The following ZNF804B variants were observed in gnomAD, a reference collection of about 807,000 sequenced individuals.
ZNF804B encodes zinc finger 804B.
In ZNF804B, 80 loss-of-function variants were observed where a neutral mutation model predicts 101.4. That is an observed-to-expected ratio of 0.79 (90% CI 0.66 to 0.95). The LOEUF is 0.95. Among genes scored for constraint, ZNF804B ranks in the 40% least tolerant of loss-of-function variants. ZNF804B has a pLI of 0.00. For synonymous variants in ZNF804B, 622 were observed against 558.8 expected (o/e 1.11, Z -1.59); for missense variants, 1,673 against 1,561.9 (o/e 1.07, Z -1.20).
chr7:89,039,651 CTT>C (rs66747843), intron 1 of ZNF804B, among the ~76,000 whole-genome samples: 8 of 149,516 alleles, frequency 5.4e-5, no homozygotes, highest in Admixed American at 4.7e-4. Flanking sequence ...CTTCAAGTGT[CTT>C]TTTTTTTTCT....
intron 2 of ZNF804B, among the ~76,000 whole-genome samples, chr7:89,298,046 G>A (rs1790410775): frequency 7.0e-6 from 1 of 142,104 alleles, no homozygotes; most frequent in Non-Finnish European, 1.5e-5. Flanking sequence ...TATGTCTGCA[G>A]TTTCTTTTTC....
intron 1 of ZNF804B, among the ~76,000 whole-genome samples, chr7:89,015,384 G>A (rs1788531882): frequency 1.3e-5 from 2 of 151,246 alleles, no homozygotes; most frequent in Non-Finnish European, 2.9e-5. Context: ...TGGGCACAAT[G>A]TGCAGGTTAG....
At chr7:89,111,166 AT>A (rs1338663121) in intron 1 of ZNF804B, among the ~76,000 whole-genome samples, 1 of 152,232 alleles carries the variant, frequency 6.6e-6, no homozygotes, top group Non-Finnish European at 1.5e-5. Flanking sequence ...TTTGACAATT[AT>A]GAATAAAGCT....
intron 1 of ZNF804B, among the ~76,000 whole-genome samples, chr7:88,988,518 A>G (rs1466242450): frequency 1.3e-5 from 2 of 152,146 alleles, no homozygotes; most frequent in Non-Finnish European, 2.9e-5. Flanking sequence ...ACTATTGCAA[A>G]TGCTTCATAG....
At chr7:89,047,772 A>G (rs1277948436) in intron 1 of ZNF804B, among the ~76,000 whole-genome samples, 1 of 152,118 alleles carries the variant, frequency 6.6e-6, no homozygotes, top group African/African-American at 2.4e-5. Flanking sequence ...AGAAGGCATG[A>G]ACACCCTCAC....
chr7:89,317,428 C>T (rs369089099), intron 2 of ZNF804B, among the ~76,000 whole-genome samples: 2 of 152,144 alleles, frequency 1.3e-5, no homozygotes, highest in African/African-American at 4.8e-5. Context: ...GGTGAGCCTG[C>T]ACCCAATATG....
chr7:89,005,423 A>T (rs1788358961), intron 1 of ZNF804B, among the ~76,000 whole-genome samples: 1 of 152,086 alleles, frequency 6.6e-6, no homozygotes, highest in African/African-American at 2.4e-5. Flanking sequence ...AAGGTTATAG[A>T]ACATTTTTAA....
intron 1 of ZNF804B, among the ~76,000 whole-genome samples, chr7:88,936,608 C>T (rs969086176): frequency 2.6e-5 from 4 of 152,042 alleles, no homozygotes; most frequent in African/African-American, 9.7e-5. Context: ...ATGAGTGACA[C>T]TGAAAGAGAC....
chr7:89,074,781 A>G (rs2116303173), intron 1 of ZNF804B, among the ~76,000 whole-genome samples: 1 of 152,304 alleles, frequency 6.6e-6, no homozygotes, highest in East Asian at 1.9e-4. Flanking sequence ...AAAATATGGA[A>G]AAGTTTGGAA....
intron 2 of ZNF804B, among the ~76,000 whole-genome samples, chr7:89,269,781 T>A (rs945275979): frequency 3.3e-5 from 5 of 152,194 alleles, no homozygotes; most frequent in African/African-American, 1.2e-4. Context: ...TGGTATCTCA[T>A]TGTGGTTTTG....
intron 1 of ZNF804B, among the ~76,000 whole-genome samples, chr7:89,114,100 A>G (rs905850491): frequency 6.6e-6 from 1 of 152,206 alleles, no homozygotes; most frequent in African/African-American, 2.4e-5. Context: ...TAGCCAAAAA[A>G]TAAAGAAAAA....
chr7:89,196,078 A>G (rs1413700504), intron 1 of ZNF804B, among the ~76,000 whole-genome samples: 1 of 152,154 alleles, frequency 6.6e-6, no homozygotes, highest in African/African-American at 2.4e-5. Flanking sequence ...GGAACCAAAA[A>G]AAGAGCCTGA....
intron 2 of ZNF804B, among the ~76,000 whole-genome samples, chr7:89,234,668 C>G (rs997428901): frequency 6.6e-6 from 1 of 152,114 alleles, no homozygotes; most frequent in Non-Finnish European, 1.5e-5. Flanking sequence ...TCGTCTCTCC[C>G]CACTCCCATT....
chr7:89,236,739 G>A (rs1189820797), intron 2 of ZNF804B, among the ~76,000 whole-genome samples: 2 of 152,042 alleles, frequency 1.3e-5, no homozygotes, highest in African/African-American at 2.4e-5. Context: ...TTAATAGATG[G>A]TGCTTTTATA....
At chr7:88,958,886 A>T (rs1274193076) in intron 1 of ZNF804B, among the ~76,000 whole-genome samples, 1 of 151,424 alleles carries the variant, frequency 6.6e-6, no homozygotes, top group Admixed American at 6.6e-5. Flanking sequence ...TGGACATATT[A>T]TTTCTTTCAT....
chr7:88,775,300 A>G (rs1159828933), intron 1 of ZNF804B, among the ~76,000 whole-genome samples: 2 of 152,168 alleles, frequency 1.3e-5, no homozygotes, highest in African/African-American at 4.8e-5. Flanking sequence ...GTCAGGACCC[A>G]AGGAATGGTT....
intron 1 of ZNF804B, among the ~76,000 whole-genome samples, chr7:88,887,009 A>G (rs1320546485): frequency 2.6e-5 from 4 of 152,090 alleles, no homozygotes; most frequent in Admixed American, 6.6e-5. Flanking sequence ...ATTTTAGCTC[A>G]ATATCACTGA....
chr7:88,852,160 C>T (rs1791457869), intron 1 of ZNF804B, among the ~76,000 whole-genome samples: 1 of 152,050 alleles, frequency 6.6e-6, no homozygotes, highest in Non-Finnish European at 1.5e-5. Context: ...GTTGTACTTG[C>T]AGACAGGGCA....
chr7:89,057,332 TTCTG>T (rs779927827), intron 1 of ZNF804B, among the ~76,000 whole-genome samples: 5 of 151,954 alleles, frequency 3.3e-5, no homozygotes, highest in Admixed American at 6.6e-5. Context: ...ATAACTATAT[TTCTG>T]TCCAGAAAGT....
Sources: gnomAD v4.1 joint callset for allele counts (sites outside exome capture counted in the v4.1 genomes callset) on GRCh38, gnomAD v4.1.1 for gene constraint, MANE v1.5 for transcripts, NCBI Gene and HGNC (gene_info 2026-07-23, HGNC 2026-07-21) for gene names.